Variants in TRIQK observed in about 807,000 individuals in gnomAD.
TRIQK encodes the protein triple QxxK/R motif-containing protein.
Under a neutral mutation model 10.8 loss-of-function variants are expected in TRIQK, and 10 were observed. The observed-to-expected ratio is 0.92, with a 90% CI of 0.57 to 1.57. The LOEUF (loss-of-function observed/expected upper bound fraction) is 1.57. Among genes scored for constraint, TRIQK ranks in the 40% most tolerant of loss-of-function variants. TRIQK has a pLI of 0.00. For missense variants in TRIQK, 107 were observed against 97.7 expected (o/e 1.09, Z -0.40); for synonymous variants, 33 against 33.7 (o/e 0.98, Z 0.07).
Position 92,991,043 on chromosome 8 carries a change from G to A in TRIQK, c.-181+26566C>T, listed in dbSNP as rs955949581. On this transcript the variant is annotated intron_variant, in intron 1 of 4. Coordinates refer to the TRIQK transcript ENST00000520686. The stretch of plus-strand genomic sequence containing the variant: ...TCCAGCACAGCAGTCTGAAGTTGAC[G>A]AGGAACACTCTGGCTTGGTGGGGGG... Among the ~76,000 whole-genome samples, 7 of 152,290 alleles carry A rather than the reference G, an allele frequency of 4.6e-5. No homozygotes were observed. In the East Asian group the frequency reaches 1.4e-3, roughly 30 times the overall value.
intron 1 of TRIQK, among the ~76,000 whole-genome samples, chr8:92,989,108 G>T (rs1165688422): frequency 1.5e-5 from 2 of 133,340 alleles, no homozygotes; most frequent in African/African-American, 6.9e-5. Flanking sequence ...AGATAATACT[G>T]CATATCAGGA....
intron 3 of TRIQK, among the ~76,000 whole-genome samples, chr8:92,901,188 T>C (rs1808915853): frequency 6.6e-6 from 1 of 152,186 alleles, no homozygotes; most frequent in African/African-American, 2.4e-5. Flanking sequence ...CCATATCATC[T>C]GCAAACAAGG....
chr8:92,961,561 T>A (rs535657906), intron 1 of TRIQK, among the ~76,000 whole-genome samples: 11 of 152,332 alleles, frequency 7.2e-5, no homozygotes, highest in African/African-American at 2.6e-4. Context: ...AAAGGATATT[T>A]CTACCTACAG....
At chr8:92,903,533 A>G (rs2130361422) in intron 3 of TRIQK, among the ~76,000 whole-genome samples, 1 of 152,214 alleles carries the variant, frequency 6.6e-6, no homozygotes, top group South Asian at 2.1e-4. Flanking sequence ...TAGGAGGATT[A>G]TTATACTCTG....
chr8:92,938,307 G>C (rs1811096179), intron 2 of TRIQK, among the ~76,000 whole-genome samples: 1 of 151,626 alleles, frequency 6.6e-6, no homozygotes, highest in Non-Finnish European at 1.5e-5. Context: ...AACATGATTG[G>C]ATATATGTAT....
At chr8:93,016,965 A>ATAGAACT (rs1484227460) in intron 1 of TRIQK, among the ~76,000 whole-genome samples, 1 of 152,244 alleles carries the variant, frequency 6.6e-6, no homozygotes, top group Non-Finnish European at 1.5e-5. Context: ...ATTAGTATGG[A>ATAGAACT]TAGAACTTAG....
chr8:92,949,373 C>T (rs1349045640), intron 2 of TRIQK, among the ~76,000 whole-genome samples: 3 of 152,016 alleles, frequency 2.0e-5, no homozygotes, highest in Non-Finnish European at 2.9e-5. Flanking sequence ...ATACCTATCT[C>T]ACATGGCTAT....
intron 1 of TRIQK, among the ~76,000 whole-genome samples, chr8:92,990,835 G>A (rs1813088415): frequency 6.6e-6 from 1 of 152,202 alleles, no homozygotes; most frequent in Admixed American, 6.5e-5. Flanking sequence ...CATTTGGGCA[G>A]ACACCAAGCT....
intron 3 of TRIQK, among the ~76,000 whole-genome samples, chr8:92,893,039 CT>C (rs1816840260): frequency 6.6e-6 from 1 of 151,846 alleles, no homozygotes; most frequent in Non-Finnish European, 1.5e-5. Context: ...ATCTTTTCCC[CT>C]TCCTTTCGAT....
At chr8:93,003,692 A>G (rs1813238408) in intron 1 of TRIQK, among the ~76,000 whole-genome samples, 1 of 152,184 alleles carries the variant, frequency 6.6e-6, no homozygotes, top group African/African-American at 2.4e-5. Flanking sequence ...CCTTCCACCT[A>G]TGAGCCTGTA....
At chr8:92,962,469 T>G (rs959116319) in intron 1 of TRIQK, among the ~76,000 whole-genome samples, 3 of 152,186 alleles carry the variant, frequency 2.0e-5, no homozygotes, top group Admixed American at 6.5e-5. Flanking sequence ...AGCTGATAGA[T>G]CTCTACATTA....
chr8:92,967,921 AGTG>A (rs1812827077), upstream of TRIQK, among the ~76,000 whole-genome samples: 1 of 151,868 alleles, frequency 6.6e-6, no homozygotes, highest in Non-Finnish European at 1.5e-5. Flanking sequence ...TTTAAATAAA[AGTG>A]GTGAATGTAC....
At chr8:92,955,759 C>A (rs572418332) in intron 1 of TRIQK, among the ~76,000 whole-genome samples, 57 of 151,690 alleles carry the variant, frequency 3.8e-4, no homozygotes, top group African/African-American at 1.3e-3. Flanking sequence ...TTTAAATGGG[C>A]AAAGTATTTG....
At chr8:92,949,009 G>A (rs942872870) in intron 2 of TRIQK, among the ~76,000 whole-genome samples, 1 of 152,132 alleles carries the variant, frequency 6.6e-6, no homozygotes, top group African/African-American at 2.4e-5. Flanking sequence ...AGGCTCAAAT[G>A]AGGCAAACAC....
At chr8:92,935,593 A>G (rs1262454528) in intron 2 of TRIQK, among the ~76,000 whole-genome samples, 2 of 151,682 alleles carry the variant, frequency 1.3e-5, no homozygotes, top group Non-Finnish European at 3.0e-5. Context: ...ACAAAAAGTC[A>G]TAAACTAAAA....
chr8:92,987,873 G>A (rs1033338335), intron 1 of TRIQK, among the ~76,000 whole-genome samples: 1 of 151,822 alleles, frequency 6.6e-6, no homozygotes, highest in Admixed American at 6.6e-5. Context: ...TAATGATATT[G>A]ATGAAGAGAT....
intron 2 of TRIQK, among the ~76,000 whole-genome samples, chr8:92,920,054 T>C (rs1220859243): frequency 6.6e-6 from 1 of 151,830 alleles, no homozygotes; most frequent in African/African-American, 2.4e-5. Flanking sequence ...TTGTTAATTC[T>C]ACTTATCTTT....
intron 1 of TRIQK, among the ~76,000 whole-genome samples, chr8:93,010,089 A>G (rs981182714): frequency 6.6e-6 from 1 of 152,176 alleles, no homozygotes; most frequent in African/African-American, 2.4e-5. Flanking sequence ...AGAGTATAAC[A>G]GTGGTTATCA....
intron 1 of TRIQK, among the ~76,000 whole-genome samples, chr8:92,960,885 T>C (rs1337944614): frequency 1.3e-5 from 2 of 152,206 alleles, no homozygotes; most frequent in African/African-American, 4.8e-5. Flanking sequence ...TGTGGGGTAA[T>C]GTGTTATAAG....
Sources: gnomAD v4.1 joint callset for allele counts (sites outside exome capture counted in the v4.1 genomes callset) on GRCh38, gnomAD v4.1.1 for gene constraint, MANE v1.5 for transcripts, NCBI Gene and HGNC (gene_info 2026-07-23, HGNC 2026-07-21) for gene names.